ARMC10: variants seen among roughly 807,000 people sequenced by gnomAD.
ARMC10 encodes armadillo repeat-containing protein 10.
A neutral mutation model predicts 30.2 loss-of-function variants in ARMC10; 23 were observed. The observed-to-expected ratio is 0.76, with a 90% CI of 0.55 to 1.08. ARMC10 has a LOEUF of 1.08. ARMC10 is among the 50% of genes least tolerant of loss of function. The probability of loss-of-function intolerance (pLI) is 0.00; values close to 1 mark genes in which losing one functional copy is unlikely to be tolerated. For missense variants in ARMC10, 303 were observed against 413.7 expected (o/e 0.73, Z 2.32); for synonymous variants, 111 against 164.4 (o/e 0.68, Z 2.48).
intron 5 of ARMC10, chr7:103,095,909 G>A (rs1029338779): frequency 2.4e-4 from 31 of 128,712 alleles, no homozygotes; most frequent in Admixed American, 3.8e-4. Context: ...ACAGGAAGGG[G>A]AACATCACAC....
At chr7:103,082,379 G>T in intron 2 of ARMC10, among the ~76,000 whole-genome samples, 1 of 142,820 alleles carries the variant, frequency 7.0e-6, no homozygotes, top group East Asian at 2.0e-4. Context: ...AGTTATTTTA[G>T]TTACAGAAAT....
chr7:103,091,069 G>T (rs1229744709), intron 4 of ARMC10, among the ~76,000 whole-genome samples: 1 of 152,036 alleles, frequency 6.6e-6, no homozygotes, highest in African/African-American at 2.4e-5. Flanking sequence ...TAGAACTTTT[G>T]GTGGAGTTCA....
chr7:103,078,779 G>T (rs1056400136), intron 2 of ARMC10, among the ~76,000 whole-genome samples: 1 of 152,112 alleles, frequency 6.6e-6, no homozygotes, highest in Non-Finnish European at 1.5e-5. Flanking sequence ...GGAGGCTGAG[G>T]TGGAAGAATC....
Position 103,098,284 on chromosome 7 carries a change from T to G in ARMC10, c.778-15T>G, listed in dbSNP as rs756937919. 9.0e-6 allele frequency: 13 copies of G among 1,442,776 alleles called. No homozygotes were observed. The East Asian group carries it at 1.8e-4, about 20-fold the overall frequency. The allele number at this position is 1,442,776 out of a possible 1,614,324, so 89.4% of individuals were successfully genotyped here. On this transcript the variant is annotated splice_polypyrimidine_tract_variant and intron_variant, in intron 6 of 6. Coordinates refer to ENST00000323716, the MANE Select transcript of ARMC10 (RefSeq NM_031905.5). ...ATTATTAATATAAAATAATACTCAT[T>G]GTTTCATATTTCAGGTGGATTCATC...
chr7:103,087,688 C>T (rs1800979715), intron 4 of ARMC10: 1 of 799,620 alleles, frequency 1.3e-6, no homozygotes, highest in Admixed American at 6.3e-5. Context: ...AATAACCAAA[C>T]TTTATTTCCT....
At chr7:103,087,044 C>A in intron 4 of ARMC10, 1 of 644,972 alleles carries the variant, frequency 1.6e-6, no homozygotes, top group Non-Finnish European at 2.2e-6. Context: ...AGGCTATAGG[C>A]ACCAACCAAA....
chr7:103,075,874 G>T lies in ARMC10; in HGVS notation c.237G>T (p.Ser79=), dbSNP rs1380644012. The change falls in exon 2 of 7, where the codon TCG becomes TCT. Residue 79 remains serine, a synonymous_variant. Transcript: ENST00000323716. ...GGGAGTCACAGTGGTCCAAGACCTC[G>T]CAGCCTGGTGTGTGTTTTGGAAATG... ...GTWESQWSKT[S]QPEDLTDGSY... The T allele has an allele frequency of 6.3e-7, 1 of 1,596,688 alleles. No homozygotes were observed. Among genetic ancestry groups the T allele is most frequent in the East Asian group, 2.3e-5 (1 of 44,132 alleles).
chr7:103,082,027 AAG>A, intron 2 of ARMC10: 5 of 399,956 alleles, frequency 1.3e-5, no homozygotes, highest in South Asian at 9.3e-5. Flanking sequence ...TGTGTAAAAT[AAG>A]AGGTTTGGAT....
intron 1 of ARMC10, 27 bp from the exon 2 acceptor site, chr7:103,075,750 G>A (rs1799699226): frequency 5.1e-6 from 8 of 1,557,230 alleles, no homozygotes; most frequent in African/African-American, 1.4e-5. Flanking sequence ...GAGGGGCCCA[G>A]AGCCATAGGT....
intron 4 of ARMC10, among the ~76,000 whole-genome samples, chr7:103,092,098 C>T (rs1022639064): frequency 2.6e-4 from 39 of 152,074 alleles, no homozygotes; most frequent in African/African-American, 8.2e-4. Context: ...TTTGGGAGGC[C>T]GAGGCGGGCG....
At chr7:103,075,556 G>A in intron 1 of ARMC10, 145 bp downstream of exon 1, 3 of 1,000,148 alleles carry the variant, frequency 3.0e-6, no homozygotes, top group Non-Finnish European at 4.1e-6. Context: ...AGGGTGCTGC[G>A]CCGCCCCCGC....
chr7:103,082,929 T>C (rs796604436), intron 2 of ARMC10: 3 of 377,888 alleles, frequency 7.9e-6, no homozygotes, highest in South Asian at 6.0e-5. Flanking sequence ...ATCCTAGTCA[T>C]CATGCCTTGT....
At chr7:103,082,013 T>C in intron 2 of ARMC10, 1 of 418,244 alleles carries the variant, frequency 2.4e-6, no homozygotes, top group East Asian at 7.1e-5. Context: ...CTTCAGTTTC[T>C]TCCTGTGTAA....
At chr7:103,078,422 C>T (rs2129519889) in intron 2 of ARMC10, among the ~76,000 whole-genome samples, 1 of 152,288 alleles carries the variant, frequency 6.6e-6, no homozygotes, top group Non-Finnish European at 1.5e-5. Flanking sequence ...TAGGGGCTTC[C>T]CCCTTTGCTC....
Position 103,075,393 on chromosome 7 carries a change from C to G in ARMC10, c.121C>G (p.Arg41Gly). Reference protein sequence around the residue: ...RRRGDRELGIRSSKSAGALEE... With the variant: ...RRRGDRELGIGSSKSAGALEE... ...GCGGGGCGACCGCGAGCTCGGGATA[C>G]GCTCTTCGAAGTCCGCAGGTGGGAC... The change falls in exon 1 of 7, where the codon CGC becomes GGC. Residue 41 changes from arginine to glycine, a missense_variant. Arg to Gly is a moderately radical substitution (Grantham distance 125). This residue lies in a region of ARMC10 where 96 missense variants were observed against 84.2 expected (regional missense o/e 1.14). Coordinates refer to ENST00000323716, the MANE Select transcript of ARMC10 (RefSeq NM_031905.5). 4 of 1,290,242 alleles carry G rather than the reference C, an allele frequency of 3.1e-6. No homozygotes were observed. The highest frequency in any genetic ancestry group is 2.8e-5 in the East Asian group (1 of 35,110). The allele number at this position is 1,290,242 out of a possible 1,614,324, so 79.9% of individuals were successfully genotyped here. A position where few individuals can be genotyped will look rare whatever the true frequency, so the allele number is the denominator to read the frequency against.
chr7:103,089,161 C>A, intron 4 of ARMC10: 1 of 237,252 alleles, frequency 4.2e-6, no homozygotes, highest in African/African-American at 2.2e-5. Context: ...CATGTTGCTA[C>A]TGCAGCTCCT....
intron 1 of ARMC10, 71 bp downstream of exon 1, chr7:103,075,482 T>G (rs894199784): frequency 3.2e-6 from 4 of 1,248,042 alleles, no homozygotes; most frequent in Non-Finnish European, 4.0e-6. Context: ...GGGTGGTGGC[T>G]TGCGTGTGCT....
chr7:103,089,484 A>G (rs2129523325), intron 4 of ARMC10: 1 of 203,004 alleles, frequency 4.9e-6, no homozygotes, highest in Non-Finnish European at 1.1e-5. Flanking sequence ...CACCACACGC[A>G]TGAACCTTGA....
chr7:103,095,894 T>G (rs1322405387), intron 5 of ARMC10: 2 of 122,020 alleles, frequency 1.6e-5, no homozygotes, highest in Non-Finnish European at 3.2e-5. Flanking sequence ...TGAGAACACA[T>G]GGACACAGGA....
Sources: allele counts gnomAD v4.1 joint callset (sites outside exome capture counted in the v4.1 genomes callset), GRCh38; gene constraint gnomAD v4.1.1; regional missense constraint gnomAD v4.1.1; transcripts MANE v1.5; gene names NCBI Gene and HGNC (gene_info 2026-07-23, HGNC 2026-07-21).